TRPM7: variants seen among roughly 807,000 people sequenced by gnomAD.
TRPM7 encodes transient receptor potential cation channel subfamily M member 7.
Under a neutral mutation model 229.7 loss-of-function variants are expected in TRPM7, and 134 were observed. The observed-to-expected ratio is 0.58, with a 90% CI of 0.51 to 0.67. TRPM7 has a LOEUF of 0.67. Among genes scored for constraint, TRPM7 ranks in the 30% least tolerant of loss-of-function variants. The pLI, the probability that TRPM7 is intolerant of heterozygous loss-of-function variation, is 0.00. For missense variants in TRPM7, 1,901 were observed against 2,210.0 expected (o/e 0.86, Z 2.80); for synonymous variants, 699 against 715.2 (o/e 0.98, Z 0.36).
At chr15:50,680,220 C>G (rs1037787154) in intron 1 of TRPM7, among the ~76,000 whole-genome samples, 2 of 150,498 alleles carry the variant, frequency 1.3e-5, no homozygotes, top group Non-Finnish European at 3.0e-5. Flanking sequence ...GGTGACAGAG[C>G]AAGACTCCAT....
At chr15:50,680,871 G>A (rs1025850530) in intron 1 of TRPM7, among the ~76,000 whole-genome samples, 15 of 152,278 alleles carry the variant, frequency 9.9e-5, no homozygotes, top group African/African-American at 2.6e-4. Context: ...CCTTGTGACC[G>A]TTGGCAAGTG....
At chr15:50,583,230 A>G (rs1328615614) in intron 28 of TRPM7, 71 bp from the exon 29 acceptor site, 6 of 1,091,580 alleles carry the variant, frequency 5.5e-6, no homozygotes, top group African/African-American at 1.6e-5. Context: ...AACCAAACAC[A>G]AAGTATTCTA....
chr15:50,568,670 T>C (rs2053727119), intron 38 of TRPM7, among the ~76,000 whole-genome samples: 1 of 152,082 alleles, frequency 6.6e-6, no homozygotes, highest in South Asian at 2.1e-4. Context: ...GCATACGAAG[T>C]GGGACTTTCA....
At chr15:50,680,303 G>C (rs930162314) in intron 1 of TRPM7, among the ~76,000 whole-genome samples, 19 of 152,094 alleles carry the variant, frequency 1.2e-4, no homozygotes, top group Non-Finnish European at 2.2e-4. Flanking sequence ...TACTTTAGGA[G>C]GCCAAGGCAG....
At position 50,561,735 on chromosome 15, in the gene TRPM7, C is replaced by G; in HGVS notation, c.5541G>C (p.Gln1847His). 6.2e-7 allele frequency: 1 copy of G among 1,612,614 alleles called. No homozygotes were observed. The highest frequency in any genetic ancestry group is 1.1e-5 in the South Asian group (1 of 90,880). ...PQDEPSDLNLQPGNSTKESES... is the reference protein window; with the variant it reads ...PQDEPSDLNLHPGNSTKESES... The stretch of plus-strand genomic sequence containing the variant: ...CTGATTCTTTGGTGGAATTTCCAGG[C>G]TGAAGATTCAAATCTGAAGGCTCAT... Residue 1847 changes from glutamine to histidine, a missense_variant, in exon 39 of 39, where the codon CAG becomes CAC. Physicochemically the swap from Gln to His is conservative, Grantham distance 24 (BLOSUM62 0). Transcript: ENST00000646667.
intron 12 of TRPM7, among the ~76,000 whole-genome samples, chr15:50,622,347 T>G (rs914410715): frequency 6.6e-6 from 1 of 152,218 alleles, no homozygotes. Context: ...GTTTTAAAAC[T>G]TCATCAATAA....
chr15:50,657,746 C>T, intron 3 of TRPM7, 35 bp downstream of exon 3: 1 of 1,589,986 alleles, frequency 6.3e-7, no homozygotes, highest in Middle Eastern at 1.7e-4. Context: ...TATTTATTTT[C>T]CGAAATTTGT....
chr15:50,624,491 GAACA>G (rs1160011767), intron 11 of TRPM7, among the ~76,000 whole-genome samples, 191 bp from the exon 12 acceptor site: 2 of 152,112 alleles, frequency 1.3e-5, no homozygotes, highest in African/African-American at 4.8e-5. Context: ...GACCTCTCTA[GAACA>G]ACGTTTCTTA....
chr15:50,638,413 G>C (rs1228538824), intron 6 of TRPM7, among the ~76,000 whole-genome samples: 1 of 140,356 alleles, frequency 7.1e-6, no homozygotes, highest in African/African-American at 2.7e-5. Context: ...GATGGGTGTA[G>C]TGGTGGGTGC....
At chr15:50,563,400 C>T (rs1045257587) in intron 38 of TRPM7, among the ~76,000 whole-genome samples, 4 of 152,220 alleles carry the variant, frequency 2.6e-5, no homozygotes, top group East Asian at 1.9e-4. Flanking sequence ...GGAACATCAT[C>T]AGATTTGTTT....
rs1196961182 is a variant in TRPM7 at position 50,574,746 on chromosome 15, CT to C, written c.5020-28del. 1.9e-6 allele frequency: 3 copies of C among 1,598,446 alleles called. No homozygotes were observed. In the Admixed American group the frequency reaches 5.3e-5, roughly 28 times the overall value. ...TATAAAAGGGAGGGTGGGGAGAACC[CT>C]TGTTTAATATTTAAACTAAGATTAT... On this transcript the variant is annotated intron_variant, in intron 34 of 38. Transcript: ENST00000646667.
At chr15:50,572,912 T>A (rs1029678710) in intron 36 of TRPM7, among the ~76,000 whole-genome samples, 11 of 152,206 alleles carry the variant, frequency 7.2e-5, no homozygotes, top group African/African-American at 2.4e-4. Context: ...CATTTGAAAT[T>A]AAGTCTGCTC....
intron 13 of TRPM7, among the ~76,000 whole-genome samples, chr15:50,616,884 T>C (rs1367485893): frequency 6.6e-6 from 1 of 152,256 alleles, no homozygotes; most frequent in East Asian, 1.9e-4. Flanking sequence ...TTTCACTATT[T>C]TGGCTAGGCT....
In TRPM7 at chr15:50,624,296, C is replaced by T; in HGVS notation, c.1310G>A (p.Gly437Glu). Residue 437 changes from glycine to glutamate, a missense_variant, in exon 12 of 39, where the codon GGA (glycine) becomes GAA (glutamate). This residue lies in a region of TRPM7 where 794 missense variants were observed against 881.9 expected (regional missense o/e 0.90). Coordinates refer to ENST00000646667, the MANE Select transcript of TRPM7 (RefSeq NM_017672.6). ...ATCAAGCATAGCTTGTTCCAAGGAT[C>T]CAACCTAGGAGTATCAAATTTAATA... ...VFVYGQQWLV[G>E]SLEQAMLDAL... 1.9e-6 allele frequency: 3 copies of T among 1,599,228 alleles called. No individual in the cohort carries two copies. The highest frequency in any genetic ancestry group is 2.6e-6 in the Non-Finnish European group (3 of 1,174,912).
At chr15:50,676,636 C>A (rs187674085) in intron 1 of TRPM7, among the ~76,000 whole-genome samples, 1 of 151,880 alleles carries the variant, frequency 6.6e-6, no homozygotes, top group Non-Finnish European at 1.5e-5. Flanking sequence ...AGAAACCAGA[C>A]GGAGTCTATA....
chr15:50,571,313 G>A (rs1486381474), intron 36 of TRPM7, among the ~76,000 whole-genome samples: 1 of 152,174 alleles, frequency 6.6e-6, no homozygotes, highest in African/African-American at 2.4e-5. Flanking sequence ...AAGTACTCTG[G>A]CAGTTGTTAT....
intron 20 of TRPM7, among the ~76,000 whole-genome samples, chr15:50,605,723 A>G (rs1412588690): frequency 6.6e-6 from 1 of 152,170 alleles, no homozygotes; most frequent in Admixed American, 6.5e-5. Context: ...AGCAACCACT[A>G]CTATTACTGT....
intron 2 of TRPM7, among the ~76,000 whole-genome samples, chr15:50,659,897 A>C (rs1479711926): frequency 6.6e-6 from 1 of 152,100 alleles, no homozygotes; most frequent in East Asian, 1.9e-4. Flanking sequence ...CGAACTCCTG[A>C]CCTCAGGTGA....
intron 1 of TRPM7, among the ~76,000 whole-genome samples, chr15:50,684,358 G>C (rs2062312425): frequency 6.6e-6 from 1 of 152,086 alleles, no homozygotes; most frequent in Non-Finnish European, 1.5e-5. Flanking sequence ...ATAAAGAGTA[G>C]AAGCTGGGCA....
Sources: allele counts gnomAD v4.1 joint callset (sites outside exome capture counted in the v4.1 genomes callset), GRCh38; gene constraint gnomAD v4.1.1; regional missense constraint gnomAD v4.1.1; transcripts MANE v1.5; gene names NCBI Gene and HGNC (gene_info 2026-07-23, HGNC 2026-07-21).